Variants in NOS3 observed in about 807,000 individuals in gnomAD.
The protein encoded by NOS3 is NOS type III.
A neutral mutation model predicts 144.9 loss-of-function variants in NOS3; 98 were observed. That is an observed-to-expected ratio of 0.68 (90% CI 0.57 to 0.80). The LOEUF (loss-of-function observed/expected upper bound fraction) is 0.80, where lower values mean the gene tolerates loss of function less well. Among genes scored for constraint, NOS3 ranks in the 30% least tolerant of loss-of-function variants. The probability of loss-of-function intolerance (pLI) is 0.00; values close to 1 mark genes in which losing one functional copy is unlikely to be tolerated. For synonymous variants in NOS3, 714 were observed against 702.4 expected (o/e 1.02, Z -0.26); for missense variants, 1,465 against 1,656.4 (o/e 0.88, Z 2.01).
chr7:151,007,036 G>C, intron 16 of NOS3, 31 bp downstream of exon 16: 1 of 1,613,928 alleles, frequency 6.2e-7, no homozygotes, highest in Non-Finnish European at 8.5e-7. Flanking sequence ...GGTGCAACGG[G>C]TGGGCAAGCT....
In NOS3 at chr7:150,998,107, G is replaced by A. The variant is rs3793342; in HGVS notation, c.583-250G>A. On this transcript the variant is annotated intron_variant, in intron 5 of 26. Transcript: ENST00000297494. The surrounding 1 kb of genome is among the most constrained non-coding windows in gnomAD (Gnocchi z 5.0). ...AGAGGCCGAGTCCCTCCTCTGTACT[G>A]GATACCAAGTCAGCTTCCATAGGGA... 0.13 allele frequency among the ~76,000 whole-genome samples: 19,859 copies of A among 152,220 alleles called. 1,449 individuals carry two copies. The highest frequency in any genetic ancestry group is 0.17 in the Middle Eastern group (50 of 294).
Position 151,002,177 on chromosome 7 carries a change from G to A in NOS3, c.1648-23G>A. On this transcript the variant is annotated intron_variant, in intron 13 of 26. Coordinates refer to ENST00000297494, the MANE Select transcript of NOS3 (RefSeq NM_000603.5). This position sits in a 1 kb window ranked among gnomAD's most constrained non-coding sequence, Gnocchi z 4.1. ...GGCCTCCGGGGGCCACAGCACCCAG[G>A]ACATCTGTCTTCCCACCCACAGGTC... 6.5e-7 allele frequency: 1 copy of A among 1,538,350 alleles called. No individual in the cohort carries two copies.
intron 21 of NOS3, 41 bp downstream of exon 21, chr7:151,010,328 G>A (rs544545342): frequency 1.8e-5 from 28 of 1,564,046 alleles, no homozygotes; most frequent in Admixed American, 7.4e-5. Flanking sequence ...CTAGAGAGAC[G>A]GGATGAGCTG....
At chr7:150,991,699 A>T (rs2117091635) in intron 1 of NOS3, among the ~76,000 whole-genome samples, 1 of 152,316 alleles carries the variant, frequency 6.6e-6, no homozygotes, top group East Asian at 1.9e-4. Flanking sequence ...CCAGTGGTGC[A>T]GGCAAGAAGA....
chr7:151,010,339 G>T, intron 21 of NOS3, 52 bp downstream of exon 21: 1 of 1,532,118 alleles, frequency 6.5e-7, no homozygotes, highest in African/African-American at 1.4e-5. Flanking sequence ...GGATGAGCTG[G>T]GGGGACCCCA....
In NOS3 at chr7:151,003,222, C is replaced by A. The variant is rs887841640; in HGVS notation, c.1752+918C>A. 4.4e-5 allele frequency: 20 copies of A among 452,520 alleles called. No homozygotes were observed. The highest frequency in any genetic ancestry group is 8.0e-5 in the Non-Finnish European group (18 of 226,106). The allele number at this position is 452,520 out of a possible 1,614,324, so 28.0% of individuals were successfully genotyped here. A position where few individuals can be genotyped will look rare whatever the true frequency, so the allele number is the denominator to read the frequency against. ...CTCACTGCAGCCTCAACCTCCTAGA[C>A]TCAAGCAATCCTCCCACTTCAACCT... On this transcript the variant is annotated intron_variant, in intron 14 of 26. Transcript: ENST00000297494. This position sits in a 1 kb window ranked among gnomAD's most constrained non-coding sequence, Gnocchi z 4.1.
Position 151,008,916 on chromosome 7 carries a change from G to A in NOS3, c.2113-14G>A, listed in dbSNP as rs775839582. ...TGGCGGGAGGTCCTCAGCCCTCACC[G>A]GCCTGTCCCGCAGGCCGCCTGTGAG... On this transcript the variant is annotated splice_polypyrimidine_tract_variant and intron_variant, in intron 17 of 26. Transcript: ENST00000297494. The A allele has an allele frequency of 3.7e-6, 6 of 1,602,922 alleles. No individual in the cohort carries two copies. The South Asian group carries it at 6.7e-5, about 18-fold the overall frequency.
In NOS3 at chr7:151,003,158, C is replaced by T. The variant is rs1444146687; in HGVS notation, c.1752+854C>T. The T allele has an allele frequency of 4.4e-6, 2 of 453,118 alleles. No homozygotes were observed. Among genetic ancestry groups the T allele is most frequent in the Admixed American group, 2.4e-5 (1 of 42,358 alleles). 28.1% of individuals were successfully genotyped at this position (453,118 alleles called of 1,614,324 possible). On this transcript the variant is annotated intron_variant, in intron 14 of 26. Transcript: ENST00000297494. This position sits in a 1 kb window ranked among gnomAD's most constrained non-coding sequence, Gnocchi z 4.1. ...TTTTTTCCTTTGAGACAGGGTCTCA[C>T]TTTGTGGCCCAGGCTGGAGTGCAGT...
chr7:151,001,418 G>C lies in NOS3; in HGVS notation c.1421G>C (p.Arg474Pro), dbSNP rs764271277. The stretch of plus-strand genomic sequence containing the variant: ...AACTATTTCCTGTCCCCGGCCTTCC[G>C]CTACCAGGTGCCCACCCTAACTGGC... ...MVNYFLSPAF[R>P]YQPDPWKGSA... Residue 474 changes from arginine (R) to proline (P), a missense_variant, in exon 11 of 27, where the codon CGC becomes CCC. Arg to Pro is a moderately radical substitution (Grantham distance 103). Transcript: ENST00000297494. 1 of 1,585,868 alleles carries C rather than the reference G, an allele frequency of 6.3e-7. No individual in the cohort carries two copies. The highest frequency in any genetic ancestry group is 8.6e-7 in the Non-Finnish European group (1 of 1,164,418).
At chr7:151,005,909 A>G (rs1308254065) in intron 14 of NOS3, among the ~76,000 whole-genome samples, 1 of 152,194 alleles carries the variant, frequency 6.6e-6, no homozygotes, top group African/African-American at 2.4e-5. Context: ...GCACCTATAG[A>G]TCTAGCTACT....
At chr7:150,996,374 T>TAG (rs775741145) in intron 3 of NOS3, 30 bp from the exon 4 acceptor site, 1 of 1,059,432 alleles carries the variant, frequency 9.4e-7, no homozygotes, top group South Asian at 1.4e-5. Flanking sequence ...CACCCTGGCC[T>TAG]GTCCTGACCT....
Position 150,993,550 on chromosome 7 carries a change from C to T in NOS3, c.-51-203C>T, listed in dbSNP as rs1802299684. Among the ~76,000 whole-genome samples, 1 of 152,094 alleles carries T rather than the reference C, an allele frequency of 6.6e-6. No homozygotes were observed. Among genetic ancestry groups the T allele is most frequent in the Non-Finnish European group, 1.5e-5 (1 of 67,996 alleles). On this transcript the variant is annotated intron_variant, in intron 1 of 26. Transcript: ENST00000297494. This position sits in a 1 kb window ranked among gnomAD's most constrained non-coding sequence, Gnocchi z 4.0. ...GCTCTGCTGGACACCTGGGCTCCCACTTATCAGCCTCAGTCCTCACAGCGG... is the reference window on the plus strand; with the variant it reads ...GCTCTGCTGGACACCTGGGCTCCCATTTATCAGCCTCAGTCCTCACAGCGG...
At position 151,014,543 on chromosome 7, in the gene NOS3, C is replaced by CT. The variant is rs1795401637; in HGVS notation, c.*375dup. ...ATTATTGAAGATTTACCATAAGGGACTGTGCCAGATGTTAGGAGAACTACT... is the reference window on the plus strand; with the variant it reads ...ATTATTGAAGATTTACCATAAGGGACTTGTGCCAGATGTTAGGAGAACTACT... On this transcript the variant is annotated 3_prime_UTR_variant, in exon 27 of 27. Coordinates refer to ENST00000297494, the MANE Select transcript of NOS3 (RefSeq NM_000603.5). 1 of 215,578 alleles carries CT rather than the reference C, an allele frequency of 4.6e-6. No homozygotes were observed. Among genetic ancestry groups the CT allele is most frequent in the African/African-American group, 2.3e-5 (1 of 43,586 alleles). 13.4% of individuals were successfully genotyped at this position (215,578 alleles called of 1,614,324 possible). A position where few individuals can be genotyped will look rare whatever the true frequency, so the allele number is the denominator to read the frequency against.
chr7:150,997,470 G>T (rs753174997), intron 5 of NOS3, among the ~76,000 whole-genome samples: 1 of 152,078 alleles, frequency 6.6e-6, no homozygotes, highest in Non-Finnish European at 1.5e-5. Context: ...CCCTGCTTCG[G>T]CCCGCACCCT....
chr7:151,003,654 C>A lies in NOS3; in HGVS notation c.1752+1350C>A. The A allele has an allele frequency of 1.3e-6, 1 of 757,306 alleles. No homozygotes were observed. The highest frequency in any genetic ancestry group is 2.0e-6 in the Non-Finnish European group (1 of 488,412). The allele number at this position is 757,306 out of a possible 1,614,324, so 46.9% of individuals were successfully genotyped here. On this transcript the variant is annotated intron_variant, in intron 14 of 26. Transcript: ENST00000297494. This position sits in a 1 kb window ranked among gnomAD's most constrained non-coding sequence, Gnocchi z 4.1. ...TCAGTTCCTCACGTGAATCCCTTCC[C>A]AGTCTGTCTCCCTGCCAGAAGTGTC...
At position 151,010,427 on chromosome 7, in the gene NOS3, G is replaced by C. The variant is rs34919745; in HGVS notation, c.2685+140G>C. 15 of 1,045,334 alleles carry C rather than the reference G, an allele frequency of 1.4e-5. No homozygotes were observed. In the East Asian group the frequency reaches 3.9e-4, roughly 27 times the overall value. 64.8% of individuals were successfully genotyped at this position (1,045,334 alleles called of 1,614,324 possible). On this transcript the variant is annotated intron_variant, in intron 21 of 26. Transcript: ENST00000297494. ...ACATGCACTGGTGCTTTAAGACCCA[G>C]CTCCTCAGGGAGGAATTCATGGCTG... is the stretch of plus-strand genomic sequence containing the variant.
intron 3 of NOS3, 89 bp downstream of exon 3, chr7:150,995,403 C>G (rs887682235): frequency 2.5e-6 from 2 of 815,298 alleles, no homozygotes; most frequent in Non-Finnish European, 4.0e-6. Context: ...GAAGCTCAAC[C>G]CTTCTTTGAA....
Position 150,996,516 on chromosome 7 carries a change from G to C in NOS3, c.383G>C (p.Arg128Pro), listed in dbSNP as rs148359917. Reference sequence around the variant, plus strand: ...CCTGAGCAGCTGCTGAGTCAGGCCCGGGACTTCATCAACCAGTACTACAGC... The same window carrying C: ...CCTGAGCAGCTGCTGAGTCAGGCCCCGGACTTCATCAACCAGTACTACAGC... Reference protein sequence around the residue: ...PAPEQLLSQARDFINQYYSSI... With the variant: ...PAPEQLLSQAPDFINQYYSSI... Residue 128 changes from arginine (R) to proline (P), a missense_variant, in exon 4 of 27, where the codon CGG (arginine) becomes CCG (proline). Around this residue, in one of 5 missense-constraint regions of NOS3, gnomAD observed 374 missense variants for 377.0 expected, o/e 0.99. Transcript: ENST00000297494. 5 of 1,606,200 alleles carry C rather than the reference G, an allele frequency of 3.1e-6. No individual in the cohort carries two copies. In the South Asian group the frequency reaches 4.4e-5, roughly 14 times the overall value.
Position 150,993,607 on chromosome 7 carries a change from C to A in NOS3, c.-51-146C>A. 1.8e-6 allele frequency: 1 copy of A among 564,994 alleles called. No individual in the cohort carries two copies. The highest frequency in any genetic ancestry group is 3.0e-6 in the Non-Finnish European group (1 of 328,428). 35.0% of individuals were successfully genotyped at this position (564,994 alleles called of 1,614,324 possible). A position where few individuals can be genotyped will look rare whatever the true frequency, so the allele number is the denominator to read the frequency against. The stretch of plus-strand genomic sequence containing the variant: ...GGCGTCCGGCCCCCCACCCTTCAGG[C>A]CAGCGGGCGTGGAGCTGAGGCTTTA... On this transcript the variant is annotated intron_variant, in intron 1 of 26. Transcript: ENST00000297494. The surrounding 1 kb of genome is among the most constrained non-coding windows in gnomAD (Gnocchi z 4.0).
Sources: allele counts gnomAD v4.1 joint callset (sites outside exome capture counted in the v4.1 genomes callset), GRCh38; gene constraint gnomAD v4.1.1; regional missense constraint gnomAD v4.1.1; non-coding constraint Gnocchi (gnomAD v3.1); transcripts MANE v1.5; gene names NCBI Gene and HGNC (gene_info 2026-07-23, HGNC 2026-07-21).